The following ILRUN variants were observed in gnomAD, a reference collection of about 807,000 sequenced individuals.
ILRUN encodes inflammation and lipid regulator with UBA-like and NBR1-like domains.
A neutral mutation model predicts 33.8 loss-of-function variants in ILRUN; 3 were observed. The ratio of observed to expected loss-of-function variants is 0.09; its 90% confidence interval spans 0.04 to 0.23. The LOEUF (loss-of-function observed/expected upper bound fraction) is 0.23, where lower values mean the gene tolerates loss of function less well. Ranked by LOEUF, ILRUN falls within the 10% of genes least tolerant of loss-of-function variation. ILRUN has a pLI of 1.00. For missense variants in ILRUN, 210 were observed against 375.1 expected, an observed-to-expected ratio of 0.56 and a Z score of 3.64; for synonymous variants, 124 against 138.9, an observed-to-expected ratio of 0.89 and a Z score of 0.75.
chr6:34,681,495 G>A (rs1042950855), intron 1 of ILRUN, among the ~76,000 whole-genome samples: 2 of 152,078 alleles, frequency 1.3e-5, no homozygotes, highest in East Asian at 1.9e-4. Flanking sequence ...CGGGTGTGGC[G>A]GCTCATGCCT....
intron 1 of ILRUN, among the ~76,000 whole-genome samples, chr6:34,678,635 C>A (rs1477262029): frequency 6.6e-6 from 1 of 151,624 alleles, no homozygotes; most frequent in African/African-American, 2.4e-5. Flanking sequence ...ATCACGAGGT[C>A]AGGAGATAGA....
chr6:34,666,079 G>C (rs923115372), intron 1 of ILRUN, among the ~76,000 whole-genome samples: 1 of 152,010 alleles, frequency 6.6e-6, no homozygotes, highest in Non-Finnish European at 1.5e-5. Flanking sequence ...AGAGCAAAAA[G>C]GTAAACAAAC....
At chr6:34,605,318 C>CAAA (rs78612898) in intron 4 of ILRUN, among the ~76,000 whole-genome samples, 2,819 of 74,024 alleles carry the variant, frequency 0.038, 124 homozygotes, top group East Asian at 0.23. Context: ...AAAACAAAAA[C>CAAA]AAAAAAAAAA....
At chr6:34,694,023 G>A (rs751821474) in intron 1 of ILRUN, among the ~76,000 whole-genome samples, 5 of 151,960 alleles carry the variant, frequency 3.3e-5, no homozygotes, top group Non-Finnish European at 5.9e-5. Context: ...ATCTCACTAT[G>A]TCACCCAGGC....
intron 1 of ILRUN, among the ~76,000 whole-genome samples, chr6:34,677,615 TTTG>T (rs1386277626): frequency 6.6e-6 from 1 of 152,176 alleles, no homozygotes; most frequent in Non-Finnish European, 1.5e-5. Flanking sequence ...TTTACTGTTT[TTTG>T]TTGTTGTTGT....
At chr6:34,673,832 TACAC>T (rs71000079) in intron 1 of ILRUN, among the ~76,000 whole-genome samples, 26 of 111,270 alleles carry the variant, frequency 2.3e-4, no homozygotes, top group South Asian at 1.1e-3. Context: ...AACAACCACA[TACAC>T]ACACACACAC....
At chr6:34,634,471 C>T (rs1468822664) in intron 3 of ILRUN, among the ~76,000 whole-genome samples, 1 of 151,790 alleles carries the variant, frequency 6.6e-6, no homozygotes, top group Non-Finnish European at 1.5e-5. Context: ...AAATTAAGAG[C>T]AGAAATCCAT....
Position 34,696,680 on chromosome 6 carries a change from G to T in ILRUN, c.-77C>A. 6.6e-7 allele frequency: 1 copy of T among 1,512,284 alleles called. No individual in the cohort carries two copies. 93.7% of individuals were successfully genotyped at this position (1,512,284 alleles called of 1,614,324 possible). ...GCGCCGCCGGGCCCGGGGACCTGGAGGGGGGCCGCTGCTAGCTAGCTTCGC... is the reference window on the plus strand; with the variant it reads ...GCGCCGCCGGGCCCGGGGACCTGGATGGGGGCCGCTGCTAGCTAGCTTCGC... On this transcript the variant is annotated 5_prime_UTR_variant, in exon 1 of 5. Coordinates refer to ENST00000374023, the MANE Select transcript of ILRUN (RefSeq NM_024294.4).
chr6:34,669,289 AT>A (rs35216384), intron 1 of ILRUN, among the ~76,000 whole-genome samples: 4,715 of 118,398 alleles, frequency 0.04, 179 homozygotes, highest in East Asian at 0.21. Context: ...ACACCCAGCT[AT>A]TTTTTTTTTT....
chr6:34,623,702 T>C (rs1762055181), intron 3 of ILRUN, among the ~76,000 whole-genome samples: 1 of 152,220 alleles, frequency 6.6e-6, no homozygotes, highest in Non-Finnish European at 1.5e-5. Flanking sequence ...ACAGCTGGCA[T>C]AAAATCATTT....
chr6:34,645,325 C>G (rs564609632), intron 3 of ILRUN, among the ~76,000 whole-genome samples: 1 of 152,146 alleles, frequency 6.6e-6, no homozygotes, highest in East Asian at 1.9e-4. Flanking sequence ...GTTTCTGACC[C>G]GATTATCTCA....
chr6:34,634,963 T>A (rs149834390), intron 3 of ILRUN, among the ~76,000 whole-genome samples: 56 of 152,324 alleles, frequency 3.7e-4, no homozygotes, highest in African/African-American at 1.3e-3. Flanking sequence ...ATGGTGGCTA[T>A]TGAGTACTTG....
intron 3 of ILRUN, among the ~76,000 whole-genome samples, chr6:34,638,493 C>T (rs779582874): frequency 2.6e-5 from 4 of 151,916 alleles, no homozygotes; most frequent in East Asian, 3.9e-4. Context: ...GTGGGAGGAT[C>T]GCTTGAGCCT....
Position 34,588,519 on chromosome 6 carries a change from G to A in ILRUN, c.*2046C>T. On this transcript the variant is annotated 3_prime_UTR_variant, in exon 5 of 5. Coordinates refer to ENST00000374023, the MANE Select transcript of ILRUN (RefSeq NM_024294.4). ...TGGGCTCCAGGGAGGCAGTGTCTCA[G>A]GAGACTGGTACCAGCAGCAGCAGTC... 6.6e-6 allele frequency: 2 copies of A among 304,704 alleles called. No homozygotes were observed. The highest frequency in any genetic ancestry group is 1.2e-5 in the Non-Finnish European group (2 of 166,230). The allele number at this position is 304,704 out of a possible 1,614,324, so 18.9% of individuals were successfully genotyped here.
At chr6:34,621,944 T>A (rs879705193) in intron 3 of ILRUN, among the ~76,000 whole-genome samples, 3 of 152,166 alleles carry the variant, frequency 2.0e-5, no homozygotes, top group Middle Eastern at 3.4e-3. Context: ...GAAACAAACC[T>A]TGTGTATATG....
intron 3 of ILRUN, among the ~76,000 whole-genome samples, chr6:34,642,583 G>A (rs1448165057): frequency 6.6e-6 from 1 of 152,102 alleles, no homozygotes; most frequent in East Asian, 1.9e-4. Flanking sequence ...GTGGAAGTGG[G>A]CCAGTCAAAG....
rs758455336 is a variant in ILRUN, at chr6:34,654,617, G to A, written c.313+8C>T. 2 of 1,608,602 alleles carry A rather than the reference G, an allele frequency of 1.2e-6. No homozygotes were observed. The highest frequency in any genetic ancestry group is 2.2e-5 in the East Asian group (1 of 44,788). On this transcript the variant is annotated splice_region_variant and intron_variant, in intron 2 of 4. Transcript: ENST00000374023. ...TAGGCAAGGGAGGATTGCCCATTAT[G>A]TACTTACCAGAATTCTGGATCCGCC...
chr6:34,634,627 A>G (rs1162805259), intron 3 of ILRUN, among the ~76,000 whole-genome samples: 1 of 152,184 alleles, frequency 6.6e-6, no homozygotes, highest in African/African-American at 2.4e-5. Flanking sequence ...ATCATCAAAC[A>G]TAGATGTTAA....
At chr6:34,663,510 C>A (rs1762933173) in intron 1 of ILRUN, among the ~76,000 whole-genome samples, 2 of 151,918 alleles carry the variant, frequency 1.3e-5, no homozygotes, top group Non-Finnish European at 2.9e-5. Context: ...AAATTTTAAA[C>A]TTAAAAAAAA....
Sources: gnomAD v4.1 joint callset for allele counts (sites outside exome capture counted in the v4.1 genomes callset) on GRCh38, gnomAD v4.1.1 for gene constraint, MANE v1.5 for transcripts, NCBI Gene and HGNC (gene_info 2026-07-23, HGNC 2026-07-21) for gene names.